Variants in PLCB4 observed in about 807,000 individuals in gnomAD.
PLCB4 encodes the protein phospholipase C beta 4.
PLCB4 carries 77 observed loss-of-function variants against 178.8 expected under a neutral mutation model. That is an observed-to-expected ratio of 0.43 (90% CI 0.36 to 0.52). The LOEUF is 0.52. Ranked by LOEUF, PLCB4 falls within the 20% of genes least tolerant of loss-of-function variation. The probability of loss-of-function intolerance (pLI) is 0.00; values close to 1 mark genes in which losing one functional copy is unlikely to be tolerated. For synonymous variants in PLCB4, 496 were observed against 490.8 expected (o/e 1.01, Z -0.14); for missense variants, 1,024 against 1,453.4 (o/e 0.70, Z 4.80).
intron 2 of PLCB4, among the ~76,000 whole-genome samples, chr20:9,163,853 A>G (rs763553204): frequency 5.3e-5 from 8 of 152,174 alleles, no homozygotes; most frequent in Non-Finnish European, 1.2e-4. Context: ...TCAGAACAAA[A>G]GAAAATATCA....
At chr20:9,246,787 G>A (rs1325643012) in intron 3 of PLCB4, among the ~76,000 whole-genome samples, 1 of 152,062 alleles carries the variant, frequency 6.6e-6, no homozygotes, top group East Asian at 1.9e-4. Context: ...GAACTCGACT[G>A]GGTAAATTGC....
At chr20:9,184,099 C>G (rs2208296) in intron 2 of PLCB4, among the ~76,000 whole-genome samples, 27,865 of 152,086 alleles carry the variant, frequency 0.18, 2,733 homozygotes, top group East Asian at 0.28. Context: ...GAAGATGGGA[C>G]GTTTCAAAGA....
chr20:9,097,498 C>T (rs35431204), intron 2 of PLCB4, among the ~76,000 whole-genome samples: 19,424 of 151,950 alleles, frequency 0.13, 1,297 homozygotes, highest in Middle Eastern at 0.19. Flanking sequence ...GTGCCATTAT[C>T]CTTTCATGTT....
intron 3 of PLCB4, among the ~76,000 whole-genome samples, chr20:9,259,968 G>T (rs2094280254): frequency 6.6e-6 from 1 of 151,958 alleles, no homozygotes; most frequent in Non-Finnish European, 1.5e-5. Context: ...TCACAAATGT[G>T]ACTTACACTA....
intron 4 of PLCB4, among the ~76,000 whole-genome samples, chr20:9,318,232 C>G (rs1430537879): frequency 1.3e-5 from 2 of 151,458 alleles, no homozygotes; most frequent in Admixed American, 1.3e-4. Flanking sequence ...AGTTAGTATT[C>G]AAGTCATCTT....
intron 30 of PLCB4, among the ~76,000 whole-genome samples, chr20:9,439,538 T>C (rs1337766902): frequency 6.6e-6 from 1 of 152,154 alleles, no homozygotes; most frequent in Admixed American, 6.6e-5. Context: ...AGGTGGCTGC[T>C]CTCTGCTGAG....
chr20:9,151,542 T>C (rs2092691662), intron 2 of PLCB4, among the ~76,000 whole-genome samples: 1 of 152,192 alleles, frequency 6.6e-6, no homozygotes, highest in African/African-American at 2.4e-5. Flanking sequence ...CCACTTTTGC[T>C]TCTTCCTCAT....
At chr20:9,360,334 C>T (rs960117736) in intron 7 of PLCB4, among the ~76,000 whole-genome samples, 1 of 152,170 alleles carries the variant, frequency 6.6e-6, no homozygotes, top group Admixed American at 6.5e-5. Context: ...AACAAGATTC[C>T]TTGCCAGCGT....
chr20:9,106,240 T>G (rs1039373754), intron 2 of PLCB4, among the ~76,000 whole-genome samples: 2 of 151,930 alleles, frequency 1.3e-5, no homozygotes, highest in African/African-American at 4.8e-5. Flanking sequence ...CAGTGGTATA[T>G]TATTAGGTTG....
intron 2 of PLCB4, among the ~76,000 whole-genome samples, chr20:9,101,586 C>T (rs114531173): frequency 6.6e-6 from 1 of 152,028 alleles, no homozygotes; most frequent in Non-Finnish European, 1.5e-5. Context: ...CTGACATTAC[C>T]CTTGTACACC....
In PLCB4 at chr20:9,106,035, A is replaced by G. The variant is rs541600465; in HGVS notation, c.-79+9693A>G. On this transcript the variant is annotated intron_variant, in intron 2 of 39. Transcript: ENST00000378473. ...TGAAGGACAGAGCATATACCGGGAA[A>G]ACATTTACAAACAATATGATCAACA... 3.9e-5 allele frequency among the ~76,000 whole-genome samples: 6 copies of G among 152,208 alleles called. No individual in the cohort carries two copies. The East Asian group carries it at 7.7e-4, about 20-fold the overall frequency.
chr20:9,427,443 T>C (rs921411078), intron 28 of PLCB4, among the ~76,000 whole-genome samples: 1 of 152,038 alleles, frequency 6.6e-6, no homozygotes, highest in African/African-American at 2.4e-5. Context: ...TTTTTCAATA[T>C]TATTTTGCTA....
intron 3 of PLCB4, among the ~76,000 whole-genome samples, chr20:9,273,762 A>G (rs994581250): frequency 2.7e-5 from 4 of 148,974 alleles, no homozygotes; most frequent in Non-Finnish European, 4.4e-5. Context: ...CAGAGTATGT[A>G]TGTCTTTGTT....
At chr20:9,140,222 C>T (rs1438414762) in intron 2 of PLCB4, among the ~76,000 whole-genome samples, 1 of 152,078 alleles carries the variant, frequency 6.6e-6, no homozygotes, top group Non-Finnish European at 1.5e-5. Flanking sequence ...GATCTCAGCT[C>T]AAATATCACT....
At chr20:9,082,781 A>T (rs2090215910) in intron 1 of PLCB4, among the ~76,000 whole-genome samples, 1 of 152,192 alleles carries the variant, frequency 6.6e-6, no homozygotes, top group African/African-American at 2.4e-5. Flanking sequence ...AGAGTTTCAA[A>T]GTAACTGGTT....
intron 2 of PLCB4, among the ~76,000 whole-genome samples, chr20:9,119,925 A>G (rs1041453021): frequency 3.3e-5 from 5 of 152,326 alleles, no homozygotes; most frequent in Admixed American, 6.5e-5. Context: ...GGAAGATCAG[A>G]TGATACACCT....
At chr20:9,294,211 G>A (rs2094609027) in intron 3 of PLCB4, among the ~76,000 whole-genome samples, 1 of 152,092 alleles carries the variant, frequency 6.6e-6, no homozygotes, top group African/African-American at 2.4e-5. Flanking sequence ...ATAAAGGTTT[G>A]GGCCAAAAGA....
At chr20:9,233,777 T>A (rs1355373171) in intron 3 of PLCB4, among the ~76,000 whole-genome samples, 2 of 152,186 alleles carry the variant, frequency 1.3e-5, no homozygotes, top group African/African-American at 4.8e-5. Flanking sequence ...AGACAGCAGT[T>A]AGATGCATGA....
At chr20:9,272,155 G>A (rs1378655660) in intron 3 of PLCB4, among the ~76,000 whole-genome samples, 2 of 151,156 alleles carry the variant, frequency 1.3e-5, no homozygotes, top group Non-Finnish European at 2.9e-5. Flanking sequence ...TCCAGCCTGG[G>A]CAACAGAATA....
Sources: allele counts gnomAD v4.1 joint callset (sites outside exome capture counted in the v4.1 genomes callset), GRCh38; gene constraint gnomAD v4.1.1; transcripts MANE v1.5; gene names NCBI Gene and HGNC (gene_info 2026-07-23, HGNC 2026-07-21).